The following OSGIN1 variants were observed in gnomAD, a reference collection of about 807,000 sequenced individuals.
OSGIN1 encodes the protein oxidative stress-induced growth inhibitor 1.
OSGIN1 carries 19 observed loss-of-function variants against 20.1 expected under a neutral mutation model. The ratio of observed to expected loss-of-function variants is 0.95; its 90% confidence interval spans 0.66 to 1.39. The LOEUF (loss-of-function observed/expected upper bound fraction) is 1.39. Ranked by LOEUF, OSGIN1 falls within the 40% of genes most tolerant of loss-of-function variation. The pLI is 0.00. For synonymous variants in OSGIN1, 368 were observed against 297.8 expected (o/e 1.24, Z -2.43); for missense variants, 820 against 653.0 (o/e 1.26, Z -2.79).
chr16:83,965,241 G>C lies in OSGIN1; in HGVS notation c.668G>C (p.Ser223Thr). 1.2e-6 allele frequency: 2 copies of C among 1,612,326 alleles called. No homozygotes were observed. The highest frequency in any genetic ancestry group is 1.7e-6 in the Non-Finnish European group (2 of 1,179,618). ...AQDSSPLFQV[S>T]GFLTRNQAQQ... ...GACTCCAGCCCCCTCTTCCAGGTGAGCGGCTTCCTGACCAGGAACCAGGCC... is the reference window on the plus strand; with the variant it reads ...GACTCCAGCCCCCTCTTCCAGGTGACCGGCTTCCTGACCAGGAACCAGGCC... Residue 223 changes from serine to threonine, a missense_variant, in exon 6 of 6, where the codon AGC becomes ACC. Physicochemically the swap from Ser to Thr is moderately conservative, Grantham distance 58. Coordinates refer to ENST00000393306, the MANE Select transcript of OSGIN1 (RefSeq NM_182981.3).
At chr16:83,959,874 C>T (rs562842341) in intron 3 of OSGIN1, among the ~76,000 whole-genome samples, 117 of 151,842 alleles carry the variant, frequency 7.7e-4, no homozygotes, top group African/African-American at 2.7e-3. Flanking sequence ...AATGTCAGTG[C>T]GGCCAAGGTT....
intron 5 of OSGIN1, among the ~76,000 whole-genome samples, chr16:83,964,563 C>G (rs1045025279): frequency 1.3e-5 from 2 of 152,114 alleles, no homozygotes; most frequent in African/African-American, 4.8e-5. Flanking sequence ...AAAATGGAAT[C>G]ATACCATATT....
Position 83,961,926 on chromosome 16 carries a change from T to G in OSGIN1, c.488+854T>G, listed in dbSNP as rs78108916. On this transcript the variant is annotated intron_variant, in intron 5 of 5. Coordinates refer to ENST00000393306, the MANE Select transcript of OSGIN1 (RefSeq NM_182981.3). ...TCTGAGCCTGGCCTAGAACAATCTT[T>G]CTGGGTCAGCTAATAGGGTGACTTT... 9.6e-3 allele frequency among the ~76,000 whole-genome samples: 1,465 copies of G among 152,094 alleles called. 21 individuals carry two copies. Among genetic ancestry groups the G allele is most frequent in the African/African-American group, 0.034 (1,417 of 41,498 alleles).
In OSGIN1 at chr16:83,960,991, G is replaced by C. The variant is rs201083475; in HGVS notation, c.407G>C (p.Gly136Ala). ...LPGGAWHSIE[G>A]SMVILSQGQW... is the part of the protein sequence containing the mutation. ...TTCCTTTCCCTGCAGTCCATCGAAG[G>C]CTCCATGGTGATCCTGAGCCAAGGC... Residue 136 changes from glycine (G) to alanine (A), a missense_variant, in exon 5 of 6, where the codon GGC (glycine) becomes GCC (alanine). Gly to Ala is a moderately conservative substitution (Grantham distance 60). Transcript: ENST00000393306. 3.7e-6 allele frequency: 6 copies of C among 1,613,340 alleles called. No homozygotes were observed. Among genetic ancestry groups the C allele is most frequent in the Non-Finnish European group, 3.4e-6 (4 of 1,179,724 alleles).
Position 83,966,058 on chromosome 16 carries a change from A to T in OSGIN1, c.*51A>T, listed in dbSNP as rs1229323184. The T allele has an allele frequency of 2.2e-6, 3 of 1,356,716 alleles. No homozygotes were observed. The highest frequency in any genetic ancestry group is 2.7e-5 in the Admixed American group (1 of 37,722). The allele number at this position is 1,356,716 out of a possible 1,614,324, so 84.0% of individuals were successfully genotyped here. Reference sequence around the variant, plus strand: ...AGGCCCTGAGAGGACAGAGATGACCACATCCCTGCTGGATGCAGGACCCGT... The same window carrying T: ...AGGCCCTGAGAGGACAGAGATGACCTCATCCCTGCTGGATGCAGGACCCGT... On this transcript the variant is annotated 3_prime_UTR_variant, in exon 6 of 6. Coordinates refer to ENST00000393306, the MANE Select transcript of OSGIN1 (RefSeq NM_182981.3).
At position 83,965,340 on chromosome 16, in the gene OSGIN1, G is replaced by T. The variant is rs1597185127; in HGVS notation, c.767G>T (p.Gly256Val). Reference sequence around the variant, plus strand: ...ACGTTCGACAGCCCGGCCCGGCTGGGCATCCCCGGGGAGGCCCTGCCCTTC... The same window carrying T: ...ACGTTCGACAGCCCGGCCCGGCTGGTCATCCCCGGGGAGGCCCTGCCCTTC... Reference protein sequence around the residue: ...TGTFDSPARLGIPGEALPFIH... With the variant: ...TGTFDSPARLVIPGEALPFIH... The change falls in exon 6 of 6, where the codon GGC becomes GTC. Residue 256 changes from glycine to valine, a missense_variant. Gly to Val is a moderately radical substitution (Grantham distance 109). Coordinates refer to ENST00000393306, the MANE Select transcript of OSGIN1 (RefSeq NM_182981.3). The T allele has an allele frequency of 6.4e-7, 1 of 1,572,120 alleles. No homozygotes were observed. Among genetic ancestry groups the T allele is most frequent in the Non-Finnish European group, 8.6e-7 (1 of 1,160,382 alleles).
chr16:83,962,740 C>G (rs531409068), intron 5 of OSGIN1, among the ~76,000 whole-genome samples: 25 of 152,286 alleles, frequency 1.6e-4, no homozygotes, highest in African/African-American at 6.0e-4. Context: ...AGGGGTGTTT[C>G]CAGGTCTCAG....
At chr16:83,957,604 C>CGAAT (rs1567655050) in intron 1 of OSGIN1, 36 bp from the exon 2 acceptor site, 1 of 1,093,384 alleles carries the variant, frequency 9.1e-7, no homozygotes, top group Admixed American at 2.0e-5. Flanking sequence ...AGGCCTCACC[C>CGAAT]GAATGGACTC....
chr16:83,958,431 G>A (rs1049849948), intron 2 of OSGIN1, among the ~76,000 whole-genome samples: 1 of 152,178 alleles, frequency 6.6e-6, no homozygotes, highest in African/African-American at 2.4e-5. Flanking sequence ...ACACAGTAGC[G>A]GCTTATGATT....
At position 83,966,222 on chromosome 16, in the gene OSGIN1, C is replaced by G; in HGVS notation, c.*215C>G. The G allele has an allele frequency of 1.8e-6, 1 of 559,218 alleles. No homozygotes were observed. Among genetic ancestry groups the G allele is most frequent in the South Asian group, 2.6e-5 (1 of 38,146 alleles). 34.6% of individuals were successfully genotyped at this position (559,218 alleles called of 1,614,324 possible). Reference sequence around the variant, plus strand: ...GCCGCAGGCCAGGGTTGGCCTAGACCTGGGATTTGTGGGGAAAGCTGCTGG... The same window carrying G: ...GCCGCAGGCCAGGGTTGGCCTAGACGTGGGATTTGTGGGGAAAGCTGCTGG... On this transcript the variant is annotated 3_prime_UTR_variant, in exon 6 of 6. Transcript: ENST00000393306.
intron 5 of OSGIN1, among the ~76,000 whole-genome samples, chr16:83,964,835 C>T (rs914146272): frequency 2.0e-5 from 3 of 152,102 alleles, no homozygotes; most frequent in African/African-American, 7.2e-5. Flanking sequence ...CACCCTAGAG[C>T]ATCCTACACC....
chr16:83,961,069 G>A lies in OSGIN1; in HGVS notation c.485G>A (p.Arg162Gln), dbSNP rs199961380. The change falls in exon 5 of 6, where the codon CGA (arginine) becomes CAA (glutamine). Residue 162 changes from arginine (R) to glutamine (Q), a missense_variant. Arg to Gln is a conservative substitution (Grantham distance 43). Transcript: ENST00000393306. Reference protein sequence around the residue: ...LEVKDWMQKKRRGLRNSRATA... With the variant: ...LEVKDWMQKKQRGLRNSRATA... Reference sequence around the variant, plus strand: ...GTCAAGGACTGGATGCAGAAGAAGCGAAGGTGAGGCCGCCCCGGAACGCCT... The same window carrying A: ...GTCAAGGACTGGATGCAGAAGAAGCAAAGGTGAGGCCGCCCCGGAACGCCT... 7.9e-5 allele frequency: 127 copies of A among 1,613,072 alleles called. No individual in the cohort carries two copies. The highest frequency in any genetic ancestry group is 3.5e-4 in the Admixed American group (21 of 60,016).
At chr16:83,959,547 G>A (rs775146325) in intron 3 of OSGIN1, 151 bp downstream of exon 3, 13 of 777,890 alleles carry the variant, frequency 1.7e-5, no homozygotes, top group Non-Finnish European at 2.6e-5. Flanking sequence ...CACGGAGATC[G>A]TGAAAGAGAA....
intron 5 of OSGIN1, among the ~76,000 whole-genome samples, chr16:83,963,790 A>G (rs538953533): frequency 6.6e-6 from 1 of 152,216 alleles, no homozygotes; most frequent in African/African-American, 2.4e-5. Flanking sequence ...GGGTAGATTA[A>G]CTCATCTAAG....
Position 83,955,966 on chromosome 16 carries a change from C to T in OSGIN1, c.-32-1674C>T, listed in dbSNP as rs538253012. ...CTATGCTCAAGGGAGCAGAGAGCAC[C>T]GACACAGGGGTCCCTGACAGACCCC... On this transcript the variant is annotated intron_variant, in intron 1 of 5. Transcript: ENST00000393306. Among the ~76,000 whole-genome samples the T allele has an allele frequency of 9.9e-4, 150 of 152,264 alleles. 2 individuals carry two copies. The Middle Eastern group carries it at 0.01, about 10-fold the overall frequency.
intron 4 of OSGIN1, 98 bp downstream of exon 4, chr16:83,960,858 A>T (rs969002897): frequency 1.4e-6 from 2 of 1,461,868 alleles, no homozygotes; most frequent in African/African-American, 2.8e-5. Flanking sequence ...CTCATTCTCC[A>T]CCCCGCAACC....
At chr16:83,958,548 C>T (rs1056012428) in intron 2 of OSGIN1, among the ~76,000 whole-genome samples, 4 of 152,184 alleles carry the variant, frequency 2.6e-5, no homozygotes, top group African/African-American at 4.8e-5. Context: ...AGATGGGTGC[C>T]TGTGATTTCA....
In OSGIN1 at chr16:83,953,255, C is replaced by A; in HGVS notation, c.-148C>A. ...CTGGCCTCTCAGAGCCTCTTGGATC[C>A]CCACAGGGTAATGGGTGTCCCGATC... On this transcript the variant is annotated 5_prime_UTR_variant, in exon 1 of 6. Coordinates refer to ENST00000393306, the MANE Select transcript of OSGIN1 (RefSeq NM_182981.3). 1 of 1,285,868 alleles carries A rather than the reference C, an allele frequency of 7.8e-7. No homozygotes were observed. 79.7% of individuals were successfully genotyped at this position (1,285,868 alleles called of 1,614,324 possible). A position where few individuals can be genotyped will look rare whatever the true frequency, so the allele number is the denominator to read the frequency against.
In OSGIN1 at chr16:83,965,564, A is replaced by G; in HGVS notation, c.991A>G (p.Lys331Glu). The G allele has an allele frequency of 8.7e-6, 14 of 1,612,914 alleles. No homozygotes were observed. Among genetic ancestry groups the G allele is most frequent in the Non-Finnish European group, 1.2e-5 (14 of 1,180,016 alleles). The change falls in exon 6 of 6, where the codon AAG becomes GAG. Residue 331 changes from lysine to glutamate, a missense_variant. Physicochemically the swap from Lys to Glu is moderately conservative, Grantham distance 56. Transcript: ENST00000393306. ...DPGLVFNQLP[K>E]MLYPEYHKVH... ...TGGCCTGGTGTTCAACCAGCTGCCC[A>G]AGATGCTGTACCCCGAGTACCACAA... is the stretch of plus-strand genomic sequence containing the variant.
Sources: allele counts gnomAD v4.1 joint callset (sites outside exome capture counted in the v4.1 genomes callset), GRCh38; gene constraint gnomAD v4.1.1; transcripts MANE v1.5; gene names NCBI Gene and HGNC (gene_info 2026-07-23, HGNC 2026-07-21).